Variants in ZNF335 observed in about 807,000 individuals in gnomAD.
The protein encoded by ZNF335 is NRC-interacting factor 1.
Under a neutral mutation model 145.6 loss-of-function variants are expected in ZNF335, and 84 were observed. That is an observed-to-expected ratio of 0.58 (90% CI 0.48 to 0.69). The LOEUF (loss-of-function observed/expected upper bound fraction) is 0.69, where lower values mean the gene tolerates loss of function less well. ZNF335 is among the 30% of genes least tolerant of loss of function. The probability of loss-of-function intolerance (pLI) is 0.00; values close to 1 mark genes in which losing one functional copy is unlikely to be tolerated. For missense variants in ZNF335, 1,865 were observed against 1,809.7 expected (o/e 1.03, Z -0.55); for synonymous variants, 761 against 717.0 (o/e 1.06, Z -0.98).
In ZNF335 at chr20:45,952,190, C is replaced by T. The variant is rs751476234; in HGVS notation, c.3146G>A (p.Cys1049Tyr). 4 of 1,611,046 alleles carry T rather than the reference C, an allele frequency of 2.5e-6. No homozygotes were observed. Among genetic ancestry groups the T allele is most frequent in the Non-Finnish European group, 1.7e-6 (2 of 1,178,604 alleles). ...RAHAGPGAFKCPDCPFSARQW... is the reference protein window; with the variant it reads ...RAHAGPGAFKYPDCPFSARQW... ...GCGGGCACTGAAGGGGCAGTCGGGG[C>T]ACTTGAAGGCACCAGGCCCAGCGTG... Residue 1049 changes from cysteine to tyrosine, a missense_variant, in exon 20 of 28, where the codon TGC becomes TAC. Cys to Tyr is a radical substitution (Grantham distance 194). Coordinates refer to ENST00000322927, the MANE Select transcript of ZNF335 (RefSeq NM_022095.4).
intron 17 of ZNF335, among the ~76,000 whole-genome samples, chr20:45,954,591 G>A (rs1479728194): frequency 1.3e-5 from 2 of 151,872 alleles, no homozygotes; most frequent in Non-Finnish European, 2.9e-5. Flanking sequence ...TGGGGTTGGG[G>A]GATATTTCAC....
intron 6 of ZNF335, 60 bp downstream of exon 6, chr20:45,967,434 C>T: frequency 3.1e-6 from 5 of 1,613,606 alleles, no homozygotes; most frequent in Non-Finnish European, 4.2e-6. Flanking sequence ...CAAGTGAAAG[C>T]TCAGTGAGTA....
intron 4 of ZNF335, 104 bp from the exon 5 acceptor site, chr20:45,968,131 T>C (rs1289134501): frequency 3.9e-6 from 6 of 1,536,752 alleles, no homozygotes; most frequent in Non-Finnish European, 4.5e-6. Context: ...CAGAACCAAA[T>C]TCCCCACCAG....
chr20:45,971,419 C>A lies in ZNF335; in HGVS notation c.-9G>T. On this transcript the variant is annotated 5_prime_UTR_variant, in exon 2 of 28. Coordinates refer to ENST00000322927, the MANE Select transcript of ZNF335 (RefSeq NM_022095.4). Reference sequence around the variant, plus strand: ...ACCTCGTTCTCCTCCATCTGATCGGCGGGCTGCCTGACAGCGGGGCGTAGG... The same window carrying A: ...ACCTCGTTCTCCTCCATCTGATCGGAGGGCTGCCTGACAGCGGGGCGTAGG... 6.3e-7 allele frequency: 1 copy of A among 1,599,242 alleles called. No homozygotes were observed. The highest frequency in any genetic ancestry group is 8.5e-7 in the Non-Finnish European group (1 of 1,179,570).
intron 6 of ZNF335, chr20:45,967,105 T>C: frequency 5.0e-6 from 1 of 199,194 alleles, no homozygotes; most frequent in Middle Eastern, 2.2e-3. Context: ...TAGCCAGGCA[T>C]GCTGGCAGGC....
rs770300456 is a variant in ZNF335 at position 45,949,203 on chromosome 20, G to A, written c.3868C>T (p.Gln1290Ter). Residue 1290 changes from glutamine to a stop codon, truncating the protein, a stop_gained, in exon 27 of 28, where the codon CAA becomes TAA. Transcript: ENST00000322927. LOFTEE classifies it high-confidence loss of function. ...SPGQQLVTQA[Q>*]LEAAAHSAVT... ...GCTGAGTGTGCTGCAGCCTCAAGTT[G>A]AGCCTGTGTGACAAGCTGCTGGCCT... 16 of 1,613,868 alleles carry A rather than the reference G, an allele frequency of 9.9e-6. No individual in the cohort carries two copies. Among genetic ancestry groups the A allele is most frequent in the Non-Finnish European group, 1.4e-5 (16 of 1,180,012 alleles).
intron 7 of ZNF335, 169 bp from the exon 8 acceptor site, chr20:45,964,159 T>C (rs1435679565): frequency 9.0e-6 from 7 of 776,472 alleles, no homozygotes; most frequent in Admixed American, 3.6e-5. Flanking sequence ...GCAGCATGGA[T>C]ACTACCGCCC....
At chr20:45,968,172 C>A in intron 4 of ZNF335, 113 bp downstream of exon 4, 1 of 1,499,900 alleles carries the variant, frequency 6.7e-7, no homozygotes. Flanking sequence ...AAACTGAGAC[C>A]CAGAGCAGTG....
intron 9 of ZNF335, among the ~76,000 whole-genome samples, chr20:45,963,091 G>A (rs938000546): frequency 2.6e-5 from 4 of 152,238 alleles, no homozygotes; most frequent in Non-Finnish European, 5.9e-5. Context: ...GGGATTACAG[G>A]AGCAAGCCAC....
At chr20:45,967,356 A>C in intron 6 of ZNF335, 138 bp downstream of exon 6, 1 of 1,363,992 alleles carries the variant, frequency 7.3e-7, no homozygotes, top group Non-Finnish European at 1.0e-6. Flanking sequence ...CCCAGAGCAC[A>C]ACCTCCTCTG....
intron 10 of ZNF335, among the ~76,000 whole-genome samples, chr20:45,961,315 T>C (rs1421202211): frequency 1.3e-5 from 2 of 152,108 alleles, no homozygotes; most frequent in Non-Finnish European, 2.9e-5. Context: ...CGCTTAAGCC[T>C]GGGAGGTTGA....
In ZNF335 at chr20:45,968,378, G is replaced by A; in HGVS notation, c.443-16C>T. 1 of 1,606,116 alleles carries A rather than the reference G, an allele frequency of 6.2e-7. No individual in the cohort carries two copies. The highest frequency in any genetic ancestry group is 8.5e-7 in the Non-Finnish European group (1 of 1,173,972). On this transcript the variant is annotated splice_polypyrimidine_tract_variant and intron_variant, in intron 3 of 27. Coordinates refer to ENST00000322927, the MANE Select transcript of ZNF335 (RefSeq NM_022095.4). ...GTGATGCAGTCTGGGCAGAGATGGGGAAGGGTCACACCTCCTGGGGAGGGG... is the reference window on the plus strand; with the variant it reads ...GTGATGCAGTCTGGGCAGAGATGGGAAAGGGTCACACCTCCTGGGGAGGGG...
chr20:45,950,450 C>T lies in ZNF335; in HGVS notation c.3332+3G>A, dbSNP rs867675809. On this transcript the variant is annotated splice_donor_region_variant and intron_variant, in intron 21 of 27. Transcript: ENST00000322927. Reference sequence around the variant, plus strand: ...GTCCCCACCCACCAGTATCTGGCCTCACCGCTGCCCGCAGAGGTGGCATGC... The same window carrying T: ...GTCCCCACCCACCAGTATCTGGCCTTACCGCTGCCCGCAGAGGTGGCATGC... 2 of 1,614,230 alleles carry T rather than the reference C, an allele frequency of 1.2e-6. No homozygotes were observed. Among genetic ancestry groups the T allele is most frequent in the Middle Eastern group, 1.6e-4 (1 of 6,062 alleles).
chr20:45,970,655 A>C (rs184628457), intron 2 of ZNF335, among the ~76,000 whole-genome samples: 1 of 152,260 alleles, frequency 6.6e-6, no homozygotes, highest in Admixed American at 6.5e-5. Flanking sequence ...AGCACCCTTG[A>C]AAGCAAGTAT....
At chr20:45,957,322 G>T (rs1052638306) in intron 17 of ZNF335, among the ~76,000 whole-genome samples, 1 of 152,178 alleles carries the variant, frequency 6.6e-6, no homozygotes, top group East Asian at 1.9e-4. Context: ...GGCCCCAGAT[G>T]CCGCAGGGGC....
intron 7 of ZNF335, among the ~76,000 whole-genome samples, chr20:45,965,183 G>A (rs189845339): frequency 2.4e-4 from 37 of 152,122 alleles, no homozygotes; most frequent in African/African-American, 8.0e-4. Context: ...TAAAGGGACT[G>A]GAGATTTAAG....
intron 24 of ZNF335, 75 bp downstream of exon 24, chr20:45,949,725 C>T (rs2083592754): frequency 6.4e-7 from 1 of 1,562,982 alleles, no homozygotes; most frequent in East Asian, 2.2e-5. Context: ...TGGAAAGTAT[C>T]ATTCCTCCCC....
intron 7 of ZNF335, chr20:45,964,595 G>C (rs143548886): frequency 6.6e-6 from 1 of 152,282 alleles, no homozygotes; most frequent in African/African-American, 2.4e-5. Flanking sequence ...AGACAATGCA[G>C]GTAATGTTCT....
chr20:45,958,000 T>C (rs1250999734), intron 15 of ZNF335, 72 bp from the exon 16 acceptor site: 3 of 1,225,712 alleles, frequency 2.4e-6, no homozygotes, highest in Non-Finnish European at 2.4e-6. Context: ...CAAGCACCTC[T>C]GATCTGCCAG....
Sources: allele counts gnomAD v4.1 joint callset (sites outside exome capture counted in the v4.1 genomes callset), GRCh38; gene constraint gnomAD v4.1.1; transcripts MANE v1.5; gene names NCBI Gene and HGNC (gene_info 2026-07-23, HGNC 2026-07-21).